The following FAM13A variants were observed in gnomAD, a reference collection of about 807,000 sequenced individuals.
FAM13A encodes the protein family with sequence similarity 13 member A.
FAM13A carries 76 observed loss-of-function variants against 129.6 expected under a neutral mutation model. That is an observed-to-expected ratio of 0.59 (90% CI 0.49 to 0.71). The LOEUF (loss-of-function observed/expected upper bound fraction) is 0.71. Among genes scored for constraint, FAM13A ranks in the 30% least tolerant of loss-of-function variants. FAM13A has a pLI of 0.00. For missense variants in FAM13A, 1,108 were observed against 1,249.3 expected, an observed-to-expected ratio of 0.89 and a Z score of 1.70; for synonymous variants, 443 against 449.9, an observed-to-expected ratio of 0.98 and a Z score of 0.20.
intron 7 of FAM13A, among the ~76,000 whole-genome samples, chr4:88,821,706 T>G (rs1292281975): frequency 6.6e-6 from 1 of 152,196 alleles, no homozygotes; most frequent in Non-Finnish European, 1.5e-5. Context: ...CAAAGTGTTT[T>G]AGTCTCTCAC....
At chr4:88,838,226 A>C (rs1032299882) in intron 7 of FAM13A, among the ~76,000 whole-genome samples, 1 of 152,208 alleles carries the variant, frequency 6.6e-6, no homozygotes, top group Non-Finnish European at 1.5e-5. Context: ...CAATATACCA[A>C]AAGGGCTTGA....
chr4:89,016,218 AAAAAAAG>A (rs1560809768), intron 3 of FAM13A, among the ~76,000 whole-genome samples: 9 of 151,776 alleles, frequency 5.9e-5, no homozygotes, highest in Non-Finnish European at 1.0e-4. Context: ...TTTACAAAGT[AAAAAAAG>A]AAAAAAGAAA....
At chr4:88,788,001 C>A in intron 9 of FAM13A, 69 bp from the exon 10 acceptor site, 2 of 1,323,448 alleles carry the variant, frequency 1.5e-6, no homozygotes, top group Non-Finnish European at 2.1e-6. Flanking sequence ...AAAATCTGTG[C>A]CTACAGTTTT....
At chr4:88,799,912 T>C (rs896850265) in intron 8 of FAM13A, among the ~76,000 whole-genome samples, 4 of 152,206 alleles carry the variant, frequency 2.6e-5, no homozygotes, top group African/African-American at 7.2e-5. Flanking sequence ...TAAGTGTCTA[T>C]TGACAAGTGA....
At chr4:88,959,927 C>T (rs1364121399) in intron 4 of FAM13A, among the ~76,000 whole-genome samples, 2 of 152,178 alleles carry the variant, frequency 1.3e-5, no homozygotes, top group African/African-American at 4.8e-5. Flanking sequence ...ACTCTGAACA[C>T]CTGCTTGCTT....
At chr4:88,758,315 A>G (rs1482222855) in intron 14 of FAM13A, among the ~76,000 whole-genome samples, 2 of 152,188 alleles carry the variant, frequency 1.3e-5, no homozygotes, top group African/African-American at 2.4e-5. Context: ...GAACATAGAA[A>G]CAAAGCAAAC....
rs1195021011 is a variant in FAM13A, at chr4:88,804,743, G to C, written c.1049+268C>G. On this transcript the variant is annotated intron_variant, in intron 8 of 23. Transcript: ENST00000264344. The stretch of plus-strand genomic sequence containing the variant: ...AACTTTGCTTACAGCCTAATCATCA[G>C]GCAGTTTTTAAATTAAAATGATCAC... Among the ~76,000 whole-genome samples the C allele has an allele frequency of 2.6e-5, 4 of 152,114 alleles. No homozygotes were observed. The East Asian group carries it at 5.8e-4, about 22-fold the overall frequency.
chr4:89,000,608 GA>G (rs1258541743), intron 3 of FAM13A, among the ~76,000 whole-genome samples: 3 of 152,146 alleles, frequency 2.0e-5, no homozygotes, highest in African/African-American at 7.2e-5. Flanking sequence ...AGATAATGGT[GA>G]TGGTTGCACT....
intron 8 of FAM13A, among the ~76,000 whole-genome samples, chr4:88,793,210 G>T (rs11723789): frequency 0.14 from 20,853 of 151,906 alleles, 1,921 homozygotes; most frequent in East Asian, 0.32. Flanking sequence ...TGTAATCTAA[G>T]TAATGAAGGT....
intron 8 of FAM13A, among the ~76,000 whole-genome samples, chr4:88,792,898 G>A (rs780258771): frequency 6.6e-6 from 1 of 151,940 alleles, no homozygotes; most frequent in Non-Finnish European, 1.5e-5. Context: ...AGAAAGGCAA[G>A]AAAGAAAAAG....
intron 3 of FAM13A, among the ~76,000 whole-genome samples, chr4:88,992,898 A>G (rs183045881): frequency 8.1e-5 from 12 of 148,040 alleles, no homozygotes; most frequent in Admixed American, 6.8e-5. Context: ...TACTGCCTAC[A>G]TAAGTCAGCT....
rs772953399 is a variant in FAM13A, at chr4:88,925,847, GAGA to G, written c.759+12238_759+12240del. On this transcript the variant is annotated intron_variant, in intron 5 of 23. Transcript: ENST00000264344. ...CCAAGGCAGAATGTTCTAACAGAAG[GAGA>G]AAGAAAGTGCCACAAGACAAGAAAG... Among the ~76,000 whole-genome samples, 5 of 152,082 alleles carry G rather than the reference GAGA, an allele frequency of 3.3e-5. No individual in the cohort carries two copies. The East Asian group carries it at 9.6e-4, about 29-fold the overall frequency.
intron 21 of FAM13A, among the ~76,000 whole-genome samples, chr4:88,735,808 T>G (rs1410602422): frequency 6.6e-6 from 1 of 152,176 alleles, no homozygotes; most frequent in African/African-American, 2.4e-5. Flanking sequence ...TCTGAAATTT[T>G]GACCATGATG....
intron 2 of FAM13A, among the ~76,000 whole-genome samples, chr4:89,023,398 C>T (rs1202791017): frequency 6.6e-6 from 1 of 151,934 alleles, no homozygotes. Flanking sequence ...TTTGGCCTAG[C>T]AAATGCCCCT....
At chr4:88,878,491 T>C (rs748501986) in intron 6 of FAM13A, among the ~76,000 whole-genome samples, 8 of 152,100 alleles carry the variant, frequency 5.3e-5, no homozygotes, top group African/African-American at 7.2e-5. Context: ...TTATCATGTC[T>C]AAAATTAGAA....
chr4:88,773,193 C>T (rs894623818), intron 11 of FAM13A, among the ~76,000 whole-genome samples: 1 of 152,206 alleles, frequency 6.6e-6, no homozygotes, highest in Non-Finnish European at 1.5e-5. Context: ...CTTCTCCTCT[C>T]TATTGGCTTG....
At chr4:88,826,601 A>C (rs1398314712) in intron 7 of FAM13A, among the ~76,000 whole-genome samples, 1 of 152,182 alleles carries the variant, frequency 6.6e-6, no homozygotes, top group Non-Finnish European at 1.5e-5. Flanking sequence ...CAGTGCCACA[A>C]AACAGAACCT....
Position 88,938,255 on chromosome 4 carries a change from A to T in FAM13A, c.606-14T>A, listed in dbSNP as rs1194019079. ...CCAGGTGGCACACTAGAAACAAGAA[A>T]GGGAAAGAGAGGAATTACTTAGTAA... On this transcript the variant is annotated splice_polypyrimidine_tract_variant and intron_variant, in intron 4 of 23. Transcript: ENST00000264344. 3 of 1,589,252 alleles carry T rather than the reference A, an allele frequency of 1.9e-6. No homozygotes were observed. The African/African-American group carries it at 4.1e-5, about 22-fold the overall frequency.
At chr4:88,925,485 C>T (rs1299851531) in intron 5 of FAM13A, among the ~76,000 whole-genome samples, 2 of 142,730 alleles carry the variant, frequency 1.4e-5, no homozygotes, top group Non-Finnish European at 3.0e-5. Context: ...TGTTCTCACT[C>T]ATAGGTGGGA....
Sources: allele counts gnomAD v4.1 joint callset (sites outside exome capture counted in the v4.1 genomes callset), GRCh38; gene constraint gnomAD v4.1.1; transcripts MANE v1.5; gene names NCBI Gene and HGNC (gene_info 2026-07-23, HGNC 2026-07-21).